The following KCNH7 variants were observed in gnomAD, a reference collection of about 807,000 sequenced individuals.
KCNH7 encodes the protein voltage-gated inwardly rectifying potassium channel KCNH7.
In KCNH7, 49 loss-of-function variants were observed where a neutral mutation model predicts 120.8. The ratio of observed to expected loss-of-function variants is 0.41; its 90% CI spans 0.32 to 0.51. The LOEUF (loss-of-function observed/expected upper bound fraction) is 0.51. Ranked by LOEUF, KCNH7 falls within the 20% of genes least tolerant of loss-of-function variation. KCNH7 has a pLI of 0.38. For missense variants in KCNH7, 1,097 were observed against 1,446.6 expected (o/e 0.76, Z 3.92); for synonymous variants, 547 against 516.1 (o/e 1.06, Z -0.81).
chr2:162,426,604 T>C (rs960967810), intron 8 of KCNH7, among the ~76,000 whole-genome samples: 1 of 152,216 alleles, frequency 6.6e-6, no homozygotes, highest in African/African-American at 2.4e-5. Context: ...TCTGATATGC[T>C]GACCATACTA....
intron 2 of KCNH7, among the ~76,000 whole-genome samples, chr2:162,778,122 A>T (rs1410491257): frequency 2.0e-5 from 3 of 152,150 alleles, no homozygotes. Context: ...TGTAGAAAAA[A>T]TTGTCTAAAG....
chr2:162,640,391 C>G (rs1194952665), intron 2 of KCNH7, among the ~76,000 whole-genome samples: 1 of 151,848 alleles, frequency 6.6e-6, no homozygotes, highest in Non-Finnish European at 1.5e-5. Flanking sequence ...TAGAAATAGA[C>G]CCACATAAAT....
chr2:162,654,933 A>G (rs1238524800), intron 2 of KCNH7, among the ~76,000 whole-genome samples: 2 of 152,154 alleles, frequency 1.3e-5, no homozygotes, highest in African/African-American at 4.8e-5. Flanking sequence ...AGAAAGCTGA[A>G]CTCATAGAAG....
intron 11 of KCNH7, 126 bp from the exon 12 acceptor site, chr2:162,394,611 G>A: frequency 1.6e-6 from 1 of 610,078 alleles, no homozygotes. Flanking sequence ...TAGATTGCAG[G>A]CAAACAGCTA....
intron 2 of KCNH7, among the ~76,000 whole-genome samples, chr2:162,714,205 TA>T (rs1437160491): frequency 2.6e-5 from 4 of 152,156 alleles, no homozygotes; most frequent in Non-Finnish European, 5.9e-5. Context: ...GGGGTTATAT[TA>T]ATAGTTTTTG....
At chr2:162,711,300 C>T (rs1339084947) in intron 2 of KCNH7, among the ~76,000 whole-genome samples, 2 of 152,194 alleles carry the variant, frequency 1.3e-5, no homozygotes, top group Non-Finnish European at 2.9e-5. Flanking sequence ...ATTTTTAGAA[C>T]TCTTTCACTG....
At chr2:162,578,695 G>A (rs934634702) in intron 2 of KCNH7, among the ~76,000 whole-genome samples, 3 of 152,068 alleles carry the variant, frequency 2.0e-5, no homozygotes, top group Admixed American at 6.6e-5. Flanking sequence ...ATGCTTATTC[G>A]TGGCATAGGA....
At chr2:162,498,299 A>G in intron 6 of KCNH7, among the ~76,000 whole-genome samples, 1 of 149,686 alleles carries the variant, frequency 6.7e-6, no homozygotes, top group Admixed American at 7.0e-5. Context: ...TGTTACTTTC[A>G]TAATATGGCC....
intron 2 of KCNH7, among the ~76,000 whole-genome samples, chr2:162,558,996 A>C (rs1343287614): frequency 7.0e-6 from 1 of 142,428 alleles, no homozygotes; most frequent in Non-Finnish European, 1.5e-5. Flanking sequence ...TGGAGCTTGC[A>C]GTGAGCCAAG....
At position 162,696,417 on chromosome 2, in the gene KCNH7, G is replaced by A. The variant is rs79189976; in HGVS notation, c.307+140120C>T. 5.4e-3 allele frequency among the ~76,000 whole-genome samples: 826 copies of A among 152,100 alleles called. 7 individuals carry two copies. The highest frequency in any genetic ancestry group is 0.019 in the African/African-American group (770 of 41,490). ...GTAATTCTATCATCCCGAGTCCTTC[G>A]AAACTAGAATTTTTGCTGTGGAAAA... On this transcript the variant is annotated intron_variant, in intron 2 of 15. Coordinates refer to ENST00000332142, the MANE Select transcript of KCNH7 (RefSeq NM_033272.4).
chr2:162,419,700 C>G (rs1012624324), intron 9 of KCNH7, among the ~76,000 whole-genome samples: 4 of 152,048 alleles, frequency 2.6e-5, no homozygotes, highest in African/African-American at 9.7e-5. Flanking sequence ...TAGGAGTAGC[C>G]TCTGCCCTAA....
intron 6 of KCNH7, among the ~76,000 whole-genome samples, chr2:162,503,413 G>A (rs1690756552): frequency 2.0e-5 from 3 of 151,924 alleles, no homozygotes; most frequent in Non-Finnish European, 2.9e-5. Context: ...AGAAAAGAAA[G>A]CCTCTTCACT....
intron 2 of KCNH7, among the ~76,000 whole-genome samples, chr2:162,539,493 C>T (rs1211810123): frequency 2.6e-5 from 4 of 151,940 alleles, no homozygotes; most frequent in Non-Finnish European, 5.9e-5. Flanking sequence ...AGCAGTTTTG[C>T]TTTTGGTAAT....
chr2:162,738,902 G>A (rs763891599), intron 2 of KCNH7, among the ~76,000 whole-genome samples: 1 of 152,032 alleles, frequency 6.6e-6, no homozygotes, highest in East Asian at 1.9e-4. Context: ...TTTTTTATAG[G>A]CAGGGCATCA....
intron 6 of KCNH7, among the ~76,000 whole-genome samples, chr2:162,468,769 G>C (rs928140836): frequency 4.6e-5 from 7 of 151,472 alleles, no homozygotes; most frequent in African/African-American, 1.5e-4. Context: ...GGATGGTCTC[G>C]ATCTACTGAC....
At chr2:162,543,068 A>G (rs186489685) in intron 2 of KCNH7, among the ~76,000 whole-genome samples, 108 of 152,218 alleles carry the variant, frequency 7.1e-4, no homozygotes, top group Admixed American at 1.8e-3. Flanking sequence ...CTTCAGTAGA[A>G]TACTTGCCCG....
chr2:162,465,577 G>A (rs1183112564), intron 6 of KCNH7, among the ~76,000 whole-genome samples: 1 of 152,142 alleles, frequency 6.6e-6, no homozygotes, highest in African/African-American at 2.4e-5. Context: ...TAGAGTGAAA[G>A]CTGCCTCACA....
At chr2:162,546,922 G>A (rs1203776289) in intron 2 of KCNH7, among the ~76,000 whole-genome samples, 2 of 152,040 alleles carry the variant, frequency 1.3e-5, no homozygotes, top group Admixed American at 1.3e-4. Flanking sequence ...ATGCCGCTCA[G>A]GCATATAAAA....
chr2:162,682,993 T>C (rs1002447465), intron 2 of KCNH7, among the ~76,000 whole-genome samples: 1 of 151,866 alleles, frequency 6.6e-6, no homozygotes, highest in Non-Finnish European at 1.5e-5. Context: ...TTTTTTTATT[T>C]CTTCTTCCGA....
Sources: allele counts gnomAD v4.1 joint callset (sites outside exome capture counted in the v4.1 genomes callset), GRCh38; gene constraint gnomAD v4.1.1; transcripts MANE v1.5; gene names NCBI Gene and HGNC (gene_info 2026-07-23, HGNC 2026-07-21).